ST7: variants seen among roughly 807,000 people sequenced by gnomAD.
The protein encoded by ST7 is suppressor of tumorigenicity 7 protein.
ST7 carries 28 observed loss-of-function variants against 78.7 expected under a neutral mutation model. The ratio of observed to expected loss-of-function variants is 0.36; its 90% CI spans 0.26 to 0.49. The LOEUF (loss-of-function observed/expected upper bound fraction) is 0.49. Ranked by LOEUF, ST7 falls within the 20% of genes least tolerant of loss-of-function variation. The pLI, the probability that ST7 is intolerant of heterozygous loss-of-function variation, is 0.99. For missense variants in ST7, 418 were observed against 696.0 expected (o/e 0.60, Z 4.49); for synonymous variants, 247 against 249.6 (o/e 0.99, Z 0.10).
At chr7:117,064,097 T>C (rs1798501510) in intron 1 of ST7, among the ~76,000 whole-genome samples, 1 of 152,354 alleles carries the variant, frequency 6.6e-6, no homozygotes, top group Non-Finnish European at 1.5e-5. Flanking sequence ...TTGGTTTTTT[T>C]AATACGGCAT....
intron 9 of ST7, among the ~76,000 whole-genome samples, chr7:117,152,961 G>T (rs887126496): frequency 6.6e-6 from 1 of 152,172 alleles, no homozygotes; most frequent in Non-Finnish European, 1.5e-5. Context: ...GTAATGGAGA[G>T]ACACAGTTCA....
intron 12 of ST7, among the ~76,000 whole-genome samples, chr7:117,194,873 C>T (rs992761785): frequency 1.3e-5 from 2 of 152,162 alleles, no homozygotes; most frequent in Non-Finnish European, 2.9e-5. Context: ...CTGGGTTAAC[C>T]AGCGCTTATG....
chr7:117,216,529 C>T (rs1584626407), intron 13 of ST7, among the ~76,000 whole-genome samples: 2 of 152,226 alleles, frequency 1.3e-5, no homozygotes, highest in Non-Finnish European at 2.9e-5. Context: ...CGCAAAATTT[C>T]TGGACATTTG....
intron 2 of ST7, among the ~76,000 whole-genome samples, chr7:117,116,152 A>T (rs1053186402): frequency 3.3e-5 from 5 of 152,184 alleles, no homozygotes; most frequent in Non-Finnish European, 7.4e-5. Flanking sequence ...TTCTCGTCTT[A>T]CTTGACCCTC....
At position 117,061,034 on chromosome 7, in the gene ST7, C is replaced by G. The variant is rs544892494; in HGVS notation, c.152-38728C>G. Among the ~76,000 whole-genome samples, 4 of 152,198 alleles carry G rather than the reference C, an allele frequency of 2.6e-5. No individual in the cohort carries two copies. In the East Asian group the frequency reaches 5.8e-4, roughly 22 times the overall value. ...AAAAACAAAATATAATATTGCCTTT[C>G]CCATAAATAAATGGGAAAATAAATC... On this transcript the variant is annotated intron_variant, in intron 1 of 15. Coordinates refer to ENST00000323984, the MANE Select transcript of ST7 (RefSeq NM_001369598.1).
chr7:117,156,236 C>T (rs1273382027), intron 9 of ST7, among the ~76,000 whole-genome samples: 2 of 152,114 alleles, frequency 1.3e-5, no homozygotes, highest in Non-Finnish European at 2.9e-5. Flanking sequence ...ACAATAGTGC[C>T]TGATACACAG....
At chr7:117,045,813 C>T (rs2116325731) in intron 1 of ST7, among the ~76,000 whole-genome samples, 1 of 152,280 alleles carries the variant, frequency 6.6e-6, no homozygotes, top group East Asian at 1.9e-4. Flanking sequence ...GTATTAAGCT[C>T]TGTGCTGAGA....
chr7:117,143,793 A>G (rs532764721), intron 9 of ST7, among the ~76,000 whole-genome samples: 2 of 152,308 alleles, frequency 1.3e-5, no homozygotes, highest in African/African-American at 2.4e-5. Flanking sequence ...TTCATGAGTA[A>G]TAACGACTCA....
chr7:117,130,263 G>T (rs1804236836), intron 4 of ST7, among the ~76,000 whole-genome samples: 2 of 151,818 alleles, frequency 1.3e-5, no homozygotes, highest in South Asian at 2.1e-4. Flanking sequence ...ATTAGCAAGG[G>T]CTAGTAAATT....
Position 116,982,307 on chromosome 7 carries a change from C to T in ST7, c.151+28616C>T, listed in dbSNP as rs1793995165. On this transcript the variant is annotated intron_variant, in intron 1 of 15. Transcript: ENST00000323984. ...TGGTGCAATCTTGGCTCACTGCACC[C>T]TCCGCCTCCCAGGTTCAAGTGATTC... 2.0e-5 allele frequency among the ~76,000 whole-genome samples: 3 copies of T among 152,110 alleles called. No individual in the cohort carries two copies. In the South Asian group the frequency reaches 6.2e-4, roughly 32 times the overall value.
intron 2 of ST7, chr7:117,118,305 A>G (rs1029138606): frequency 1.3e-5 from 2 of 152,272 alleles, no homozygotes; most frequent in African/African-American, 2.4e-5. Context: ...GGTTCCAAGC[A>G]TTTCATGTAA....
chr7:117,084,155 C>T (rs552245776), intron 1 of ST7, among the ~76,000 whole-genome samples: 1 of 152,284 alleles, frequency 6.6e-6, no homozygotes, highest in Non-Finnish European at 1.5e-5. Flanking sequence ...ATAGCACTTA[C>T]CATCTTTAGG....
At chr7:116,956,133 C>G (rs1026454111) in intron 1 of ST7, among the ~76,000 whole-genome samples, 2 of 152,146 alleles carry the variant, frequency 1.3e-5, no homozygotes, top group Non-Finnish European at 2.9e-5. Context: ...TTTCAAAAAA[C>G]AGTTGCAGAC....
intron 2 of ST7, among the ~76,000 whole-genome samples, chr7:117,111,968 A>G (rs772146144): frequency 6.6e-6 from 1 of 152,238 alleles, no homozygotes; most frequent in African/African-American, 2.4e-5. Context: ...AGATTCCTAT[A>G]TCCCTATTAA....
At chr7:117,141,111 T>C (rs990024235) in intron 9 of ST7, among the ~76,000 whole-genome samples, 1 of 152,214 alleles carries the variant, frequency 6.6e-6, no homozygotes, top group African/African-American at 2.4e-5. Context: ...CTTTCTCTGA[T>C]AAAATAGCTC....
intron 1 of ST7, among the ~76,000 whole-genome samples, chr7:117,024,730 G>T (rs1331970851): frequency 5.3e-5 from 8 of 152,172 alleles, no homozygotes; most frequent in African/African-American, 1.9e-4. Flanking sequence ...ACTAGTGGAT[G>T]GCTGTGTCAG....
At chr7:117,099,910 C>A in intron 2 of ST7, 66 bp downstream of exon 2, 1 of 1,281,198 alleles carries the variant, frequency 7.8e-7, no homozygotes, top group Non-Finnish European at 1.1e-6. Context: ...AGTGTATGTA[C>A]AGTAAAAAAC....
At chr7:117,189,281 C>T (rs772952994) in intron 10 of ST7, 40 bp from the exon 11 acceptor site, 24 of 1,501,290 alleles carry the variant, frequency 1.6e-5, no homozygotes, top group Middle Eastern at 3.5e-4. Flanking sequence ...TCTTTGTTAC[C>T]TGCAAACTTA....
At chr7:117,036,722 ATAT>A (rs1563031574) in intron 1 of ST7, among the ~76,000 whole-genome samples, 1 of 152,178 alleles carries the variant, frequency 6.6e-6, no homozygotes, top group Non-Finnish European at 1.5e-5. Context: ...TATCATATAC[ATAT>A]GGTATGATAT....
Sources: allele counts gnomAD v4.1 joint callset (sites outside exome capture counted in the v4.1 genomes callset), GRCh38; gene constraint gnomAD v4.1.1; transcripts MANE v1.5; gene names NCBI Gene and HGNC (gene_info 2026-07-23, HGNC 2026-07-21).